The following MYLK3 variants were observed in gnomAD, a reference collection of about 807,000 sequenced individuals.
MYLK3 encodes the protein myosin light chain kinase 3.
MYLK3 carries 55 observed loss-of-function variants against 76.3 expected under a neutral mutation model. The ratio of observed to expected loss-of-function variants is 0.72; its 90% CI spans 0.58 to 0.90. The LOEUF (loss-of-function observed/expected upper bound fraction) is 0.90. Ranked by LOEUF, MYLK3 falls within the 40% of genes least tolerant of loss-of-function variation. The pLI is 0.00. For missense variants in MYLK3, 973 were observed against 1,053.6 expected, an observed-to-expected ratio of 0.92 and a Z score of 1.06; for synonymous variants, 416 against 425.4, an observed-to-expected ratio of 0.98 and a Z score of 0.27.
rs1012756017 is a variant in MYLK3, at chr16:46,702,717, C to T, written c.*4987G>A. On this transcript the variant is annotated 3_prime_UTR_variant, in exon 13 of 13. Coordinates refer to ENST00000394809, the MANE Select transcript of MYLK3 (RefSeq NM_182493.3). Reference sequence around the variant, plus strand: ...TGGGCAGATCACGAGGTCAAGAGATCGAGACCATCCTGGCCAGCATGGTGA... The same window carrying T: ...TGGGCAGATCACGAGGTCAAGAGATTGAGACCATCCTGGCCAGCATGGTGA... Among the ~76,000 whole-genome samples, 1 of 151,968 alleles carries T rather than the reference C, an allele frequency of 6.6e-6. No individual in the cohort carries two copies. The highest frequency in any genetic ancestry group is 2.4e-5 in the African/African-American group (1 of 41,368).
chr16:46,729,512 A>C (rs747279793), intron 6 of MYLK3, 82 bp downstream of exon 6: 19 of 1,263,134 alleles, frequency 1.5e-5, no homozygotes, highest in Non-Finnish European at 2.2e-5. Context: ...TTTCCAGCTC[A>C]GCATGGGAGC....
At position 46,712,781 on chromosome 16, in the gene MYLK3, G is replaced by C. The variant is rs1206694806; in HGVS notation, c.1986-5C>G. On this transcript the variant is annotated splice_region_variant and splice_polypyrimidine_tract_variant and intron_variant, in intron 9 of 12. Transcript: ENST00000394809. Reference sequence around the variant, plus strand: ...AGCTTCTCTCGAGGCTTGTACCTGGGGAGAAGGGGAGGGTACAAAGAAGCA... The same window carrying C: ...AGCTTCTCTCGAGGCTTGTACCTGGCGAGAAGGGGAGGGTACAAAGAAGCA... 3.2e-6 allele frequency: 5 copies of C among 1,584,412 alleles called. No individual in the cohort carries two copies. Among genetic ancestry groups the C allele is most frequent in the Non-Finnish European group, 4.3e-6 (5 of 1,166,208 alleles).
chr16:46,736,733 A>G (rs1331283449), intron 3 of MYLK3, among the ~76,000 whole-genome samples: 4 of 152,298 alleles, frequency 2.6e-5, no homozygotes, highest in Non-Finnish European at 2.9e-5. Context: ...CCACTCCCTG[A>G]GCCAGGCTTG....
intron 4 of MYLK3, 124 bp downstream of exon 4, chr16:46,732,084 C>T: frequency 1.2e-6 from 1 of 822,518 alleles, no homozygotes; most frequent in African/African-American, 1.7e-5. Flanking sequence ...ATGTTCCCGA[C>T]TCTTGGACGC....
chr16:46,707,519 G>A lies in MYLK3; in HGVS notation c.*185C>T, dbSNP rs1041088565. ...GTGATCTTACAAGGCAGAAAAAAACGTTCTTAGGAAGCTTCTTTACAGCCA... is the reference window on the plus strand; with the variant it reads ...GTGATCTTACAAGGCAGAAAAAAACATTCTTAGGAAGCTTCTTTACAGCCA... On this transcript the variant is annotated 3_prime_UTR_variant, in exon 13 of 13. Coordinates refer to ENST00000394809, the MANE Select transcript of MYLK3 (RefSeq NM_182493.3). 6 of 539,958 alleles carry A rather than the reference G, an allele frequency of 1.1e-5. No individual in the cohort carries two copies. Among genetic ancestry groups the A allele is most frequent in the Admixed American group, 1.0e-4 (3 of 28,902 alleles). 33.4% of individuals were successfully genotyped at this position (539,958 alleles called of 1,614,324 possible). A position where few individuals can be genotyped will look rare whatever the true frequency, so the allele number is the denominator to read the frequency against.
chr16:46,740,549 ATAT>A (rs1437287142), intron 1 of MYLK3, among the ~76,000 whole-genome samples: 50 of 103,102 alleles, frequency 4.8e-4, no homozygotes, highest in African/African-American at 1.6e-3. Flanking sequence ...ATATATATAT[ATAT>A]TTTTTTTTTT....
intron 8 of MYLK3, among the ~76,000 whole-genome samples, chr16:46,722,313 T>C (rs1026807613): frequency 5.3e-5 from 8 of 152,216 alleles, no homozygotes; most frequent in Admixed American, 2.6e-4. Context: ...GAAGACTCAA[T>C]GTCTCCATAC....
chr16:46,737,074 C>G (rs1043476037), intron 3 of MYLK3, among the ~76,000 whole-genome samples: 2 of 152,232 alleles, frequency 1.3e-5, no homozygotes, highest in Non-Finnish European at 2.9e-5. Context: ...CCTTCTCTCC[C>G]CACCATATTA....
At position 46,704,008 on chromosome 16, in the gene MYLK3, T is replaced by G. The variant is rs1223765130; in HGVS notation, c.*3696A>C. The stretch of plus-strand genomic sequence containing the variant: ...CAAACAACTTGAGTATGTAAATACA[T>G]TTTCCACAGTAAGTTTTAAGAAATC... On this transcript the variant is annotated 3_prime_UTR_variant, in exon 13 of 13. Transcript: ENST00000394809. 6.5e-6 allele frequency: 1 copy of G among 153,260 alleles called. No homozygotes were observed. The highest frequency in any genetic ancestry group is 1.9e-4 in the East Asian group (1 of 5,204). The allele number at this position is 153,260 out of a possible 1,614,324, so 9.5% of individuals were successfully genotyped here.
In MYLK3 at chr16:46,729,034, C is replaced by T; in HGVS notation, c.1762G>A (p.Val588Ile). 2 of 1,613,942 alleles carry T rather than the reference C, an allele frequency of 1.2e-6. No individual in the cohort carries two copies. Among genetic ancestry groups the T allele is most frequent in the East Asian group, 2.2e-5 (1 of 44,880 alleles). The change falls in exon 7 of 13, where the codon GTC becomes ATC. Residue 588 changes from valine to isoleucine, a missense_variant. Val to Ile is a conservative substitution (Grantham distance 29). Around this residue, in one of 2 missense-constraint regions of MYLK3, gnomAD observed 332 missense variants for 416.6 expected, o/e 0.80. Coordinates refer to ENST00000394809, the MANE Select transcript of MYLK3 (RefSeq NM_182493.3). Reference protein sequence around the residue: ...AFESKHSCTLVMEYVDGGELF... With the variant: ...AFESKHSCTLIMEYVDGGELF... ...GCCTCTGATACTCACTACTCCATGACAAGGGTGCAGCTGTGCTTGCTCTCG... is the reference window on the plus strand; with the variant it reads ...GCCTCTGATACTCACTACTCCATGATAAGGGTGCAGCTGTGCTTGCTCTCG...
chr16:46,708,456 A>T (rs1049508801), intron 12 of MYLK3, among the ~76,000 whole-genome samples: 5 of 150,522 alleles, frequency 3.3e-5, no homozygotes, highest in African/African-American at 1.2e-4. Context: ...AAATGTTGTG[A>T]TTTTTTTTTT....
At position 46,747,823 on chromosome 16, in the gene MYLK3, GC is replaced by G; in HGVS notation, c.370del (p.Ala124ProfsTer52). 1.2e-6 allele frequency: 2 copies of G among 1,614,200 alleles called. No homozygotes were observed. The highest frequency in any genetic ancestry group is 4.5e-5 in the East Asian group (2 of 44,890). ...LFRMVAAVDR[A>X]IALVGATFQK... is the part of the protein sequence containing the mutation. The stretch of plus-strand genomic sequence containing the variant: ...GAACGTGGCCCCCACCAAAGCGATG[GC>G]CCTGTCCACCGCAGCCACCATCCTG... On this transcript the variant is annotated frameshift_variant, in exon 1 of 13. Transcript: ENST00000394809. LOFTEE classifies it high-confidence loss of function.
At chr16:46,728,532 G>A (rs577159287) in intron 7 of MYLK3, among the ~76,000 whole-genome samples, 63 of 152,200 alleles carry the variant, frequency 4.1e-4, no homozygotes, top group African/African-American at 1.1e-3. Context: ...ACCAGCCTGG[G>A]CGACATAGCA....
At chr16:46,734,055 G>C (rs982690854) in intron 3 of MYLK3, among the ~76,000 whole-genome samples, 14 of 152,240 alleles carry the variant, frequency 9.2e-5, no homozygotes, top group African/African-American at 2.9e-4. Context: ...CTCCACTTCT[G>C]GGTATATATC....
intron 5 of MYLK3, among the ~76,000 whole-genome samples, chr16:46,730,295 G>A (rs1966849941): frequency 6.6e-6 from 1 of 152,092 alleles, no homozygotes; most frequent in Non-Finnish European, 1.5e-5. Flanking sequence ...CCCACCTCAT[G>A]TCGGCTTTCC....
chr16:46,738,332 T>A (rs549042514), intron 2 of MYLK3, among the ~76,000 whole-genome samples, 189 bp from the exon 3 acceptor site: 2 of 152,236 alleles, frequency 1.3e-5, no homozygotes, highest in Admixed American at 6.5e-5. Context: ...GGCACAGCCG[T>A]GAAAAAGGAG....
intron 9 of MYLK3, among the ~76,000 whole-genome samples, chr16:46,717,530 T>TC (rs200398585): frequency 0.12 from 17,552 of 151,696 alleles, 1,254 homozygotes; most frequent in Non-Finnish European, 0.16. Flanking sequence ...CACTGTATGT[T>TC]CCCCCAACCA....
chr16:46,726,706 AAAGAAAG>A (rs1567284879), intron 8 of MYLK3: 3 of 150,064 alleles, frequency 2.0e-5, no homozygotes, highest in African/African-American at 7.4e-5. Flanking sequence ...AGAAAGAAAG[AAAGAAAG>A]AAAGAAAGAA....
intron 9 of MYLK3, among the ~76,000 whole-genome samples, chr16:46,718,537 G>A (rs778839492): frequency 6.6e-6 from 1 of 152,206 alleles, no homozygotes; most frequent in Non-Finnish European, 1.5e-5. Context: ...TGCTTGGGAG[G>A]CAGGTGCTGG....
Sources: allele counts gnomAD v4.1 joint callset (sites outside exome capture counted in the v4.1 genomes callset), GRCh38; gene constraint gnomAD v4.1.1; regional missense constraint gnomAD v4.1.1; transcripts MANE v1.5; gene names NCBI Gene and HGNC (gene_info 2026-07-23, HGNC 2026-07-21).